BLTP1: variants seen among roughly 807,000 people sequenced by gnomAD.
BLTP1 encodes the protein bridge-like lipid transfer protein family member 1, also known as fragile site-associated protein.
the BLTP1 span, chr4:122,305,220 G>A: frequency 8.2e-3 from 8,019 of 982,208 alleles, 504 homozygotes; most frequent in African/African-American, 0.13. Context: ...CAGTATCTTC[G>A]TAATCATTTG....
the BLTP1 span, chr4:122,258,581 T>C: frequency 1.5e-6 from 2 of 1,314,272 alleles, no homozygotes; most frequent in Non-Finnish European, 2.0e-6. Flanking sequence ...GAGAAAATAA[T>C]AAATATTTGT....
chr4:122,281,623 T>C, the BLTP1 span: 1 of 1,613,408 alleles, frequency 6.2e-7, no homozygotes, highest in Non-Finnish European at 8.5e-7. Flanking sequence ...TTGAAACAAA[T>C]GAATTTCCTC....
chr4:122,339,438 T>G, the BLTP1 span: 1 of 1,529,110 alleles, frequency 6.5e-7, no homozygotes, highest in Non-Finnish European at 8.9e-7. Context: ...ATTCCTCTAG[T>G]ATAAAGCCAA....
At chr4:122,254,824 A>G in the BLTP1 span, 1 of 1,580,818 alleles carries the variant, frequency 6.3e-7, no homozygotes. Flanking sequence ...CCTTTTAAGC[A>G]CTGCAACACC....
the BLTP1 span, among the ~76,000 whole-genome samples, chr4:122,360,925 T>A: frequency 1.7e-4 from 26 of 152,202 alleles, no homozygotes; most frequent in Non-Finnish European, 3.4e-4. Flanking sequence ...AGTTAAGTAA[T>A]GTGGTATAGT....
chr4:122,223,115 A>G, the BLTP1 span: 394 of 950,552 alleles, frequency 4.1e-4, 1 homozygote, highest in South Asian at 9.5e-3. Flanking sequence ...GTGATTTTAT[A>G]TAAAGTCACA....
At chr4:122,239,963 C>T in the BLTP1 span, 1 of 1,614,114 alleles carries the variant, frequency 6.2e-7, no homozygotes, top group Non-Finnish European at 8.5e-7. Flanking sequence ...AGCAGATTGA[C>T]TACAGTAGGG....
chr4:122,187,392 G>A, the BLTP1 span: 4 of 1,606,578 alleles, frequency 2.5e-6, no homozygotes, highest in Middle Eastern at 1.7e-4. Context: ...AGGTATTTAA[G>A]GTTTTCTTAT....
chr4:122,331,366 C>G, the BLTP1 span: 1 of 1,611,602 alleles, frequency 6.2e-7, no homozygotes. Flanking sequence ...TGCTGCTGTT[C>G]ATCAGCTATT....
At chr4:122,362,567 C>T in the BLTP1 span, 1 of 171,862 alleles carries the variant, frequency 5.8e-6, no homozygotes, top group South Asian at 1.5e-4. Flanking sequence ...ATTGGATTGG[C>T]CGTAACTTTT....
At chr4:122,291,589 C>T in the BLTP1 span, 8 of 259,072 alleles carry the variant, frequency 3.1e-5, no homozygotes, top group Non-Finnish European at 4.2e-5. Context: ...AAATTGATTA[C>T]CTTATTTGTC....
At chr4:122,248,213 A>G in the BLTP1 span, 30 of 716,574 alleles carry the variant, frequency 4.2e-5, no homozygotes, top group Non-Finnish European at 5.1e-5. Context: ...GTAGTCCTAA[A>G]ACTGGTGAAA....
chr4:122,219,293 T>G, the BLTP1 span: 1 of 1,592,842 alleles, frequency 6.3e-7, no homozygotes. Flanking sequence ...GAAAATATAT[T>G]TACATACCTC....
the BLTP1 span, chr4:122,336,586 A>G: frequency 1.3e-6 from 1 of 793,582 alleles, no homozygotes; most frequent in Non-Finnish European, 1.4e-6. Flanking sequence ...TTAATGACAA[A>G]ATTAACATAA....
At chr4:122,267,051 ATTTTTTTTTTTTTTTT>A in the BLTP1 span, 4 of 148,926 alleles carry the variant, frequency 2.7e-5, no homozygotes, top group South Asian at 2.0e-4. Context: ...TAAGGAAGTA[ATTTTTTTTTTTTTTTT>A]TTTTTTTTTG....
At chr4:122,160,669 T>C in the BLTP1 span, among the ~76,000 whole-genome samples, 2 of 152,208 alleles carry the variant, frequency 1.3e-5, no homozygotes, top group African/African-American at 4.8e-5. Flanking sequence ...AATTAAACAC[T>C]CCTTGAAACT....
At chr4:122,194,073 G>T in the BLTP1 span, among the ~76,000 whole-genome samples, 1 of 151,930 alleles carries the variant, frequency 6.6e-6, no homozygotes, top group Non-Finnish European at 1.5e-5. Context: ...CGTTTTAGCC[G>T]GGATGGTCTC....
chr4:122,287,679 T>C, the BLTP1 span: 4 of 985,262 alleles, frequency 4.1e-6, no homozygotes, highest in Non-Finnish European at 4.8e-6. Flanking sequence ...AGAAATATTA[T>C]AACTGCGGGG....
At chr4:122,341,651 T>A in the BLTP1 span, 5 of 968,220 alleles carry the variant, frequency 5.2e-6, no homozygotes, top group South Asian at 9.6e-5. Context: ...CATTATTTAT[T>A]CAAGGAATGA....
Sources: gnomAD v4.1 joint callset for allele counts (sites outside exome capture counted in the v4.1 genomes callset) on GRCh38, gnomAD v4.1.1 for gene constraint, MANE v1.5 for transcripts, NCBI Gene and HGNC (gene_info 2026-07-23, HGNC 2026-07-21) for gene names.